THAP6: variants seen among roughly 807,000 people sequenced by gnomAD.
The protein encoded by THAP6 is THAP domain-containing protein 6.
A neutral mutation model predicts 20.0 loss-of-function variants in THAP6; 13 were observed. The ratio of observed to expected loss-of-function variants is 0.65; its 90% confidence interval spans 0.42 to 1.03. The LOEUF (loss-of-function observed/expected upper bound fraction) is 1.03. Ranked by LOEUF, THAP6 falls within the 50% of genes least tolerant of loss-of-function variation. The probability of loss-of-function intolerance (pLI) is 0.00; values close to 1 mark genes in which losing one functional copy is unlikely to be tolerated. For synonymous variants in THAP6, 93 were observed against 92.2 expected, an observed-to-expected ratio of 1.01 and a Z score of -0.05; for missense variants, 262 against 261.6, an observed-to-expected ratio of 1.00 and a Z score of -0.01.
rs951480342 is a variant in THAP6, at chr4:75,515,896, T to G, written c.80+364T>G. Reference sequence around the variant, plus strand: ...ATATATTGCCCTCTCTATTTAGAAGTAGATCAAGCATAGGTTATAGAGAAA... The same window carrying G: ...ATATATTGCCCTCTCTATTTAGAAGGAGATCAAGCATAGGTTATAGAGAAA... On this transcript the variant is annotated intron_variant, in intron 2 of 4. Coordinates refer to ENST00000311638, the MANE Select transcript of THAP6 (RefSeq NM_144721.6). Among the ~76,000 whole-genome samples the G allele has an allele frequency of 2.6e-5, 4 of 152,252 alleles. No homozygotes were observed. The East Asian group carries it at 7.7e-4, about 29-fold the overall frequency.
rs180792819 is a variant in THAP6, at chr4:75,527,165, T to C, written c.620T>C (p.Phe207Ser). The C allele has an allele frequency of 6.3e-5, 101 of 1,614,126 alleles. No homozygotes were observed. The East Asian group carries it at 2.0e-3, about 32-fold the overall frequency. ...GAAACAGCAAATAGACTGGACACTT[T>C]CTGTTGGGACTGTTGTCAGGAGAGC... ...SQETANRLDTFCWDCCQESIE... is the reference protein window; with the variant it reads ...SQETANRLDTSCWDCCQESIE... The change falls in exon 5 of 5, where the codon TTC becomes TCC. Residue 207 changes from phenylalanine (F) to serine (S), a missense_variant. Transcript: ENST00000311638.
upstream of THAP6, chr4:75,514,142 G>A: frequency 2.6e-6 from 4 of 1,558,754 alleles, no homozygotes; most frequent in South Asian, 1.1e-5. Context: ...TGCCCAGCCC[G>A]CCCCAGCCCA....
chr4:75,525,982 T>C (rs928456748), intron 4 of THAP6, among the ~76,000 whole-genome samples: 1 of 152,110 alleles, frequency 6.6e-6, no homozygotes, highest in Non-Finnish European at 1.5e-5. Context: ...GATCTTGAGT[T>C]TTTTCTGTGC....
intron 4 of THAP6, 116 bp downstream of exon 4, chr4:75,521,977 A>G (rs1726064316): frequency 3.2e-6 from 4 of 1,258,090 alleles, no homozygotes; most frequent in African/African-American, 1.5e-5. Flanking sequence ...TGTAATATCT[A>G]CAAATAATAT....
chr4:75,532,504 C>T (rs569277044), downstream of THAP6, among the ~76,000 whole-genome samples: 31 of 152,296 alleles, frequency 2.0e-4, no homozygotes, highest in East Asian at 5.4e-3. Flanking sequence ...GTCTGGAGGA[C>T]GTTGGTCCTC....
rs1726541515 is a variant in THAP6, at chr4:75,528,810, A to G, written c.*1596A>G. 5.2e-6 allele frequency: 5 copies of G among 969,444 alleles called. No homozygotes were observed. In the African/African-American group the frequency reaches 8.9e-5, roughly 17 times the overall value. The allele number at this position is 969,444 out of a possible 1,614,324, so 60.1% of individuals were successfully genotyped here. A position where few individuals can be genotyped will look rare whatever the true frequency, so the allele number is the denominator to read the frequency against. On this transcript the variant is annotated 3_prime_UTR_variant, in exon 5 of 5. Transcript: ENST00000311638. ...ATACCTGTAATCCTAGCACTTTGGGAGGCCAAGGCAGGCAGATCACTTGAG... is the reference window on the plus strand; with the variant it reads ...ATACCTGTAATCCTAGCACTTTGGGGGGCCAAGGCAGGCAGATCACTTGAG...
Position 75,516,842 on chromosome 4 carries a change from G to C in THAP6, c.151G>C (p.Gly51Arg), listed in dbSNP as rs34942800. 99 of 1,613,924 alleles carry C rather than the reference G, an allele frequency of 6.1e-5. No homozygotes were observed. Among genetic ancestry groups the C allele is most frequent in the Non-Finnish European group, 8.1e-5 (95 of 1,179,988 alleles). The change falls in exon 3 of 5, where the codon GGC becomes CGC. Residue 51 changes from glycine to arginine, a missense_variant. By Grantham distance (125) the Gly-to-Arg change is moderately radical. Transcript: ENST00000311638. ...AMKRLDVNAA[G>R]IWEPKKGDVL... ...GAAAAGACTTGATGTGAATGCAGCCGGCATTTGGGAGCCTAAAAAAGGAGA... is the reference window on the plus strand; with the variant it reads ...GAAAAGACTTGATGTGAATGCAGCCCGCATTTGGGAGCCTAAAAAAGGAGA...
intron 4 of THAP6, among the ~76,000 whole-genome samples, chr4:75,525,887 G>T (rs1391831509): frequency 6.6e-6 from 1 of 152,144 alleles, no homozygotes; most frequent in Non-Finnish European, 1.5e-5. Context: ...CTAATCTCTG[G>T]TTGTTCTTTC....
At position 75,520,337 on chromosome 4, in the gene THAP6, T is replaced by TTC. The variant is rs374957040; in HGVS notation, c.289-1398_289-1397dup. 2.2e-3 allele frequency among the ~76,000 whole-genome samples: 340 copies of TTC among 152,300 alleles called. 3 individuals are homozygous for TTC. Among genetic ancestry groups the TTC allele is most frequent in the African/African-American group, 7.8e-3 (324 of 41,566 alleles). On this transcript the variant is annotated intron_variant, in intron 3 of 4. Transcript: ENST00000311638. ...ACATTTCTATAGGGTATATATACGC[T>TTC]TCAATTAGAAGTGGGAATTACTGGT...
chr4:75,546,373 C>A (rs938319361), intron 3 of THAP6, among the ~76,000 whole-genome samples: 2 of 152,324 alleles, frequency 1.3e-5, no homozygotes, highest in Non-Finnish European at 2.9e-5. Context: ...GCTCACACAG[C>A]AGCCTGAAAT....
Position 75,528,331 on chromosome 4 carries a change from A to G in THAP6, c.*1117A>G. 1 of 985,446 alleles carries G rather than the reference A, an allele frequency of 1.0e-6. No homozygotes were observed. Among genetic ancestry groups the G allele is most frequent in the Non-Finnish European group, 1.2e-6 (1 of 829,922 alleles). 61.0% of individuals were successfully genotyped at this position (985,446 alleles called of 1,614,324 possible). On this transcript the variant is annotated 3_prime_UTR_variant, in exon 5 of 5. Coordinates refer to ENST00000311638, the MANE Select transcript of THAP6 (RefSeq NM_144721.6). ...AATTTAGCTTTTGTCATAATTCCTT[A>G]CCGAAAACAACTGAAATTGAGAGTC... is the stretch of plus-strand genomic sequence containing the variant.
At chr4:75,537,484 T>C (rs186468746) in intron 2 of THAP6, among the ~76,000 whole-genome samples, 7 of 146,182 alleles carry the variant, frequency 4.8e-5, no homozygotes, top group African/African-American at 1.7e-4. Context: ...TTCTCTCTCT[T>C]TGCCTGCCAC....
Position 75,527,566 on chromosome 4 carries a change from C to T in THAP6, c.*352C>T. ...GGACACTTCTCCAGATATTTGGCTT[C>T]AAAGGAGTACCTTTACTTACATGTG... On this transcript the variant is annotated 3_prime_UTR_variant, in exon 5 of 5. Transcript: ENST00000311638. 1.9e-6 allele frequency: 2 copies of T among 1,052,278 alleles called. No individual in the cohort carries two copies. Among genetic ancestry groups the T allele is most frequent in the Non-Finnish European group, 2.3e-6 (2 of 870,794 alleles). 65.2% of individuals were successfully genotyped at this position (1,052,278 alleles called of 1,614,324 possible). A position where few individuals can be genotyped will look rare whatever the true frequency, so the allele number is the denominator to read the frequency against.
intron 3 of THAP6, among the ~76,000 whole-genome samples, chr4:75,545,794 A>G (rs1350475577): frequency 6.6e-6 from 1 of 152,214 alleles, no homozygotes; most frequent in East Asian, 1.9e-4. Flanking sequence ...ACTTACCAGC[A>G]GCTCACCTTG....
upstream of THAP6, chr4:75,514,121 G>A (rs1441488473): frequency 6.4e-7 from 1 of 1,553,760 alleles, no homozygotes; most frequent in East Asian, 2.3e-5. Flanking sequence ...TTAAATCCAA[G>A]CCTAACCACC....
chr4:75,516,889 T>G lies in THAP6; in HGVS notation c.198T>G (p.Phe66Leu), dbSNP rs1725686575. 6.2e-7 allele frequency: 1 copy of G among 1,614,154 alleles called. No homozygotes were observed. Among genetic ancestry groups the G allele is most frequent in the Non-Finnish European group, 8.5e-7 (1 of 1,180,020 alleles). The change falls in exon 3 of 5, where the codon TTT (phenylalanine) becomes TTG (leucine). Residue 66 changes from phenylalanine to leucine, a missense_variant. Transcript: ENST00000311638. ...GAGATGTGTTGTGTTCGAGGCACTT[T>G]AAGAAGACAGATTTTGACAGAAGTG... ...KKGDVLCSRH[F>L]KKTDFDRSAP...
At position 75,529,751 on chromosome 4, in the gene THAP6, A is replaced by AG; in HGVS notation, c.*2539dup. On this transcript the variant is annotated 3_prime_UTR_variant, in exon 5 of 5. Transcript: ENST00000311638. Reference sequence around the variant, plus strand: ...AAAGCTAGGAGTGGCCTCTAGAGCCAGGAACACATTAATACAACAGTTCAA... The same window carrying AG: ...AAAGCTAGGAGTGGCCTCTAGAGCCAGGGAACACATTAATACAACAGTTCAA... 1.0e-6 allele frequency: 1 copy of AG among 985,450 alleles called. No individual in the cohort carries two copies. The highest frequency in any genetic ancestry group is 1.2e-6 in the Non-Finnish European group (1 of 829,936). The allele number at this position is 985,450 out of a possible 1,614,324, so 61.0% of individuals were successfully genotyped here.
At chr4:75,531,296 A>G (rs72866287), downstream of THAP6, among the ~76,000 whole-genome samples, 3,669 of 152,306 alleles carry the variant, frequency 0.024, 153 homozygotes, top group African/African-American at 0.084. Flanking sequence ...CTGGTAGGCA[A>G]CGTGTATTGT....
intron 3 of THAP6, 37 bp downstream of exon 3, chr4:75,517,016 CTT>C (rs34218401): frequency 0.042 from 36,681 of 872,530 alleles, no homozygotes; most frequent in South Asian, 0.058. Context: ...TCATTGCTCA[CTT>C]TTTTTTTTTT....
Sources: allele counts gnomAD v4.1 joint callset (sites outside exome capture counted in the v4.1 genomes callset), GRCh38; gene constraint gnomAD v4.1.1; transcripts MANE v1.5; gene names NCBI Gene and HGNC (gene_info 2026-07-23, HGNC 2026-07-21).